ZBTB40: variants seen among roughly 807,000 people sequenced by gnomAD.
The protein encoded by ZBTB40 is zinc finger and BTB domain-containing protein 40.
In ZBTB40, 60 loss-of-function variants were observed where a neutral mutation model predicts 117.5. The observed-to-expected ratio is 0.51, with a 90% CI of 0.41 to 0.63. The LOEUF (loss-of-function observed/expected upper bound fraction) is 0.63. Ranked by LOEUF, ZBTB40 falls within the 30% of genes least tolerant of loss-of-function variation. The probability of loss-of-function intolerance (pLI) is 0.00; values close to 1 mark genes in which losing one functional copy is unlikely to be tolerated. For missense variants in ZBTB40, 1,287 were observed against 1,498.5 expected, an observed-to-expected ratio of 0.86 and a Z score of 2.33; for synonymous variants, 525 against 577.1, an observed-to-expected ratio of 0.91 and a Z score of 1.29.
rs1263461084 is a variant in ZBTB40 at position 22,508,096 on chromosome 1, A to G, written c.1456A>G (p.Met486Val). 1.2e-6 allele frequency: 2 copies of G among 1,614,048 alleles called. No individual in the cohort carries two copies. The highest frequency in any genetic ancestry group is 2.7e-5 in the African/African-American group (2 of 74,934). Residue 486 changes from methionine to valine, a missense_variant, in exon 7 of 18, where the codon ATG (methionine) becomes GTG (valine). Around this residue, in one of 2 missense-constraint regions of ZBTB40, gnomAD observed 870 missense variants for 934.4 expected, o/e 0.93. Transcript: ENST00000375647. The part of the protein sequence containing the change: ...IFTDNQILLK[M>V]ISHMTSLAPG... Reference sequence around the variant, plus strand: ...CACAGACAACCAGATTTTATTAAAGATGATCTCACACATGACAAGTTTAGC... The same window carrying G: ...CACAGACAACCAGATTTTATTAAAGGTGATCTCACACATGACAAGTTTAGC...
chr1:22,433,809 T>C (rs1640634472), intron 1 of ZBTB40, among the ~76,000 whole-genome samples: 1 of 151,946 alleles, frequency 6.6e-6, no homozygotes, highest in South Asian at 2.1e-4. Context: ...ATTAATTCAT[T>C]AATTATTTAA....
chr1:22,453,249 A>G (rs1170869468), intron 1 of ZBTB40, among the ~76,000 whole-genome samples: 1 of 152,206 alleles, frequency 6.6e-6, no homozygotes, highest in Non-Finnish European at 1.5e-5. Context: ...CCTTTCTAAT[A>G]TAAACACTTT....
Position 22,475,325 on chromosome 1 carries a change from G to A in ZBTB40, c.-69-14555G>A, listed in dbSNP as rs1641527660. Among the ~76,000 whole-genome samples, 6 of 152,260 alleles carry A rather than the reference G, an allele frequency of 3.9e-5. No homozygotes were observed. In the South Asian group the frequency reaches 1.0e-3, roughly 26 times the overall value. On this transcript the variant is annotated intron_variant, in intron 1 of 17. Transcript: ENST00000375647. Reference sequence around the variant, plus strand: ...AGAAAGCAGGCATTTAAGTTCCTCTGGCTATTGTCTGGACTCATGCTCCAT... The same window carrying A: ...AGAAAGCAGGCATTTAAGTTCCTCTAGCTATTGTCTGGACTCATGCTCCAT...
At position 22,508,066 on chromosome 1, in the gene ZBTB40, A is replaced by AC; in HGVS notation, c.1426_1427insC (p.Ile476ThrfsTer33). 2 of 1,614,130 alleles carry AC rather than the reference A, an allele frequency of 1.2e-6. No homozygotes were observed. Among genetic ancestry groups the AC allele is most frequent in the Non-Finnish European group, 1.7e-6 (2 of 1,180,008 alleles). Reference sequence around the variant, plus strand: ...ACGCTATCATGAAAACCTCTCTGAGATTTTCACAGACAACCAGATTTTATT... The same window carrying AC: ...ACGCTATCATGAAAACCTCTCTGAGACTTTTCACAGACAACCAGATTTTATT... On this transcript the variant is annotated frameshift_variant, in exon 7 of 18. Transcript: ENST00000375647. LOFTEE classifies it high-confidence loss of function.
intron 1 of ZBTB40, among the ~76,000 whole-genome samples, chr1:22,438,147 A>G (rs967802633): frequency 1.3e-5 from 2 of 151,948 alleles, no homozygotes; most frequent in African/African-American, 2.4e-5. Context: ...AACAAAACCC[A>G]AAAAACTCTA....
At chr1:22,515,268 T>A (rs1639345309) in intron 12 of ZBTB40, among the ~76,000 whole-genome samples, 1 of 152,174 alleles carries the variant, frequency 6.6e-6, no homozygotes, top group Non-Finnish European at 1.5e-5. Flanking sequence ...AGGAAGAGCA[T>A]TAAGAGATAA....
chr1:22,519,979 A>C, intron 13 of ZBTB40, 82 bp from the exon 14 acceptor site: 8 of 1,230,938 alleles, frequency 6.5e-6, no homozygotes, highest in Non-Finnish European at 9.6e-6. Context: ...TGTACACAAC[A>C]ACCAGTGTTT....
At chr1:22,524,110 C>T in intron 16 of ZBTB40, 108 bp from the exon 17 acceptor site, 3 of 1,083,824 alleles carry the variant, frequency 2.8e-6, no homozygotes, top group Non-Finnish European at 4.2e-6. Flanking sequence ...CGCCTCCAAG[C>T]CTCGATCCTC....
At chr1:22,447,249 C>G (rs1368997615), upstream of ZBTB40, among the ~76,000 whole-genome samples, 1 of 152,020 alleles carries the variant, frequency 6.6e-6, no homozygotes, top group African/African-American at 2.4e-5. Context: ...AATGAAAGAT[C>G]ATGCTGGCTT....
At chr1:22,454,460 T>A (rs1290380967) in intron 1 of ZBTB40, among the ~76,000 whole-genome samples, 1 of 151,978 alleles carries the variant, frequency 6.6e-6, no homozygotes, top group Non-Finnish European at 1.5e-5. Context: ...CCTGGGAGAC[T>A]CACTTTTTAT....
intron 12 of ZBTB40, 67 bp from the exon 13 acceptor site, chr1:22,517,233 A>G: frequency 1.3e-6 from 2 of 1,598,792 alleles, no homozygotes; most frequent in South Asian, 2.2e-5. Context: ...CTGTAGAATT[A>G]GATTTTGTTT....
At chr1:22,505,920 A>T in intron 5 of ZBTB40, 129 bp from the exon 6 acceptor site, 1 of 887,736 alleles carries the variant, frequency 1.1e-6, no homozygotes, top group Non-Finnish European at 1.9e-6. Flanking sequence ...AAGTAATGCT[A>T]GAGACCAACA....
At chr1:22,521,404 C>T in intron 14 of ZBTB40, 92 bp from the exon 15 acceptor site, 3 of 1,543,510 alleles carry the variant, frequency 1.9e-6, no homozygotes, top group Non-Finnish European at 2.7e-6. Flanking sequence ...TCAGCTTATC[C>T]AAAAATGTAT....
intron 1 of ZBTB40, among the ~76,000 whole-genome samples, chr1:22,482,352 A>G (rs1360291111): frequency 6.6e-6 from 1 of 152,224 alleles, no homozygotes; most frequent in East Asian, 1.9e-4. Flanking sequence ...AGGTACATGC[A>G]AAATTAAGCG....
At chr1:22,511,636 C>T (rs756921646) in intron 10 of ZBTB40, 40 bp from the exon 11 acceptor site, 19 of 1,599,514 alleles carry the variant, frequency 1.2e-5, no homozygotes, top group Middle Eastern at 1.7e-4. Flanking sequence ...AAAATAGAAA[C>T]AGAGAGTTCG....
chr1:22,474,196 T>A (rs1641500410), intron 1 of ZBTB40, among the ~76,000 whole-genome samples: 1 of 152,214 alleles, frequency 6.6e-6, no homozygotes, highest in South Asian at 2.1e-4. Flanking sequence ...TACAGGCCAT[T>A]CGAGTATCGC....
At chr1:22,476,518 C>T (rs574802220) in intron 1 of ZBTB40, among the ~76,000 whole-genome samples, 1 of 152,326 alleles carries the variant, frequency 6.6e-6, no homozygotes, top group East Asian at 1.9e-4. Flanking sequence ...CCACGCCCAG[C>T]CCTCAAACTT....
chr1:22,520,861 A>G (rs955655403), intron 14 of ZBTB40, among the ~76,000 whole-genome samples: 2 of 152,256 alleles, frequency 1.3e-5, no homozygotes, highest in Non-Finnish European at 2.9e-5. Flanking sequence ...TTAGCTCAGC[A>G]AAAACTGAGA....
rs1639683709 is a variant in ZBTB40 at position 22,526,542 on chromosome 1, T to C, written c.*146T>C. ...AACACAGTCTCACCTAGAAAACAGA[T>C]GGAAGCTTCGTTGTTCTCATAGAAC... On this transcript the variant is annotated 3_prime_UTR_variant, in exon 18 of 18. Transcript: ENST00000375647. 5 of 1,043,418 alleles carry C rather than the reference T, an allele frequency of 4.8e-6. No homozygotes were observed. Among genetic ancestry groups the C allele is most frequent in the Non-Finnish European group, 7.2e-6 (5 of 698,830 alleles). 64.6% of individuals were successfully genotyped at this position (1,043,418 alleles called of 1,614,324 possible).
Sources: allele counts gnomAD v4.1 joint callset (sites outside exome capture counted in the v4.1 genomes callset), GRCh38; gene constraint gnomAD v4.1.1; regional missense constraint gnomAD v4.1.1; transcripts MANE v1.5; gene names NCBI Gene and HGNC (gene_info 2026-07-23, HGNC 2026-07-21).